The following ITGB4 variants were observed in gnomAD, a reference collection of about 807,000 sequenced individuals.
ITGB4 encodes the protein integrin subunit beta 4.
In ITGB4, 159 loss-of-function variants were observed where a neutral mutation model predicts 207.6. That is an observed-to-expected ratio of 0.77 (90% CI 0.67 to 0.87). ITGB4 has a LOEUF of 0.87. Among genes scored for constraint, ITGB4 ranks in the 40% least tolerant of loss-of-function variants. The pLI is 0.00. For missense variants in ITGB4, 2,278 were observed against 2,546.8 expected, an observed-to-expected ratio of 0.89 and a Z score of 2.27; for synonymous variants, 1,020 against 1,062.7, an observed-to-expected ratio of 0.96 and a Z score of 0.78.
At position 75,731,091 on chromosome 17, in the gene ITGB4, C is replaced by T; in HGVS notation, c.1092+127C>T. 1 of 1,420,794 alleles carries T rather than the reference C, an allele frequency of 7.0e-7. No individual in the cohort carries two copies. The highest frequency in any genetic ancestry group is 9.8e-7 in the Non-Finnish European group (1 of 1,020,112). The allele number at this position is 1,420,794 out of a possible 1,614,324, so 88.0% of individuals were successfully genotyped here. On this transcript the variant is annotated intron_variant, in intron 9 of 39. Coordinates refer to ENST00000200181, the MANE Select transcript of ITGB4 (RefSeq NM_000213.5). The surrounding 1 kb of genome is among the most constrained non-coding windows in gnomAD (Gnocchi z 6.8). ...CTGGGACAGACCAGTGAGGAAGGGT[C>T]TCTAGCTATCCCTGAGGCCCCGAGG...
chr17:75,730,475 G>T lies in ITGB4; in HGVS notation c.973G>T (p.Val325Phe). 2 of 1,613,968 alleles carry T rather than the reference G, an allele frequency of 1.2e-6. No homozygotes were observed. The highest frequency in any genetic ancestry group is 1.7e-6 in the Non-Finnish European group (2 of 1,180,034). The change falls in exon 8 of 40, where the codon GTC becomes TTC. Residue 325 changes from valine (V) to phenylalanine (F), a missense_variant. Coordinates refer to ENST00000200181, the MANE Select transcript of ITGB4 (RefSeq NM_000213.5). ...GCACAACATCATCCCCATCTTTGCT[G>T]TCACCAACTACTCCTATAGCTACTA... is the stretch of plus-strand genomic sequence containing the variant. ...AKHNIIPIFAVTNYSYSYYEK... is the reference protein window; with the variant it reads ...AKHNIIPIFAFTNYSYSYYEK...
chr17:75,727,064 C>T lies in ITGB4; in HGVS notation c.80-131C>T. 1.3e-6 allele frequency: 1 copy of T among 787,398 alleles called. No individual in the cohort carries two copies. The allele number at this position is 787,398 out of a possible 1,614,324, so 48.8% of individuals were successfully genotyped here. ...CTCCAGCCTGGGCAACAGAGCGAGA[C>T]TCTGTCTCAAAATAAATAAATAAAT... On this transcript the variant is annotated intron_variant, in intron 2 of 39. Transcript: ENST00000200181. This position sits in a 1 kb window ranked among gnomAD's most constrained non-coding sequence, Gnocchi z 6.0.
chr17:75,755,605 T>C, intron 34 of ITGB4, 96 bp from the exon 35 acceptor site: 2 of 1,513,626 alleles, frequency 1.3e-6, no homozygotes, highest in South Asian at 2.3e-5. Context: ...AGTGTAGACA[T>C]GCCAGCTGAG....
At position 75,739,625 on chromosome 17, in the gene ITGB4, C is replaced by T; in HGVS notation, c.2221-47C>T. 6.2e-7 allele frequency: 1 copy of T among 1,612,278 alleles called. No homozygotes were observed. The highest frequency in any genetic ancestry group is 2.2e-5 in the East Asian group (1 of 44,866). On this transcript the variant is annotated intron_variant, in intron 18 of 39. Coordinates refer to ENST00000200181, the MANE Select transcript of ITGB4 (RefSeq NM_000213.5). The surrounding 1 kb of genome is among the most constrained non-coding windows in gnomAD (Gnocchi z 5.4). ...GGGTGGCTGGAAGGGCTTACCTGGG[C>T]CAGGGCAGCTGTCTCAGGCCTCACC... is the stretch of plus-strand genomic sequence containing the variant.
intron 5 of ITGB4, 149 bp downstream of exon 5, chr17:75,728,004 G>A: frequency 1.3e-6 from 1 of 754,914 alleles, no homozygotes; most frequent in Non-Finnish European, 2.2e-6. Context: ...CATTCTCAAG[G>A]GAAGAATCTC....
At position 75,752,293 on chromosome 17, in the gene ITGB4, G is replaced by A. The variant is rs867306119; in HGVS notation, c.3913G>A (p.Gly1305Ser). ...CACGGTGAAGGCGCGCAACGGGGCC[G>A]GCTGGGGGCCTGAGCGGGAGGCCAT... is the stretch of plus-strand genomic sequence containing the variant. Reference protein sequence around the residue: ...RYTVKARNGAGWGPEREAIIN... With the variant: ...RYTVKARNGASWGPEREAIIN... The change falls in exon 31 of 40, where the codon GGC (glycine) becomes AGC (serine). Residue 1305 changes from glycine to serine, a missense_variant. Physicochemically the swap from Gly to Ser is moderately conservative, Grantham distance 56. Transcript: ENST00000200181. 6.2e-6 allele frequency: 10 copies of A among 1,613,294 alleles called. No individual in the cohort carries two copies. The highest frequency in any genetic ancestry group is 1.6e-4 in the Middle Eastern group (1 of 6,062).
chr17:75,742,945 C>T lies in ITGB4; in HGVS notation c.2962+184C>T, dbSNP rs1165859589. Reference sequence around the variant, plus strand: ...TTACGGAATGCGTGGCTGTTCACCTCGCCACAGTGCCTGCCTGGTGGTGAG... The same window carrying T: ...TTACGGAATGCGTGGCTGTTCACCTTGCCACAGTGCCTGCCTGGTGGTGAG... On this transcript the variant is annotated intron_variant, in intron 25 of 39. Coordinates refer to ENST00000200181, the MANE Select transcript of ITGB4 (RefSeq NM_000213.5). This position sits in a 1 kb window ranked among gnomAD's most constrained non-coding sequence, Gnocchi z 5.9. Among the ~76,000 whole-genome samples the T allele has an allele frequency of 2.0e-5, 3 of 152,166 alleles. No individual in the cohort carries two copies. Among genetic ancestry groups the T allele is most frequent in the Admixed American group, 6.5e-5 (1 of 15,288 alleles).
At chr17:75,755,503 G>T (rs2061476537) in intron 34 of ITGB4, among the ~76,000 whole-genome samples, 198 bp from the exon 35 acceptor site, 1 of 152,184 alleles carries the variant, frequency 6.6e-6, no homozygotes, top group Non-Finnish European at 1.5e-5. Flanking sequence ...TTTGGCACAA[G>T]CAGGGCCTGC....
rs144302042 is a variant in ITGB4, at chr17:75,736,142, C to T, written c.1749C>T (p.Ile583=). The T allele has an allele frequency of 6.8e-4, 1,101 of 1,613,960 alleles. 3 individuals are homozygous for T. The highest frequency in any genetic ancestry group is 8.9e-4 in the Non-Finnish European group (1,052 of 1,179,956). Residue 583 remains isoleucine (I), a synonymous_variant, in exon 14 of 40, where the codon ATC becomes ATT. Transcript: ENST00000200181. Reference sequence around the variant, plus strand: ...GTCCCCTCAGCAATGCCACCTGCATCGACAGCAATGGGGTAGGCCTGGGCA... The same window carrying T: ...GTCCCCTCAGCAATGCCACCTGCATTGACAGCAATGGGGTAGGCCTGGGCA... The part of the protein sequence containing the change: ...CDCPLSNATC[I]DSNGGICNGR...
In ITGB4 at chr17:75,730,779, A is replaced by G. The variant is rs921753737; in HGVS notation, c.1003-96A>G. 5 of 1,227,402 alleles carry G rather than the reference A, an allele frequency of 4.1e-6. 1 individual carries two copies. In the African/African-American group the frequency reaches 4.4e-5, roughly 11 times the overall value. 76.0% of individuals were successfully genotyped at this position (1,227,402 alleles called of 1,614,324 possible). A position where few individuals can be genotyped will look rare whatever the true frequency, so the allele number is the denominator to read the frequency against. The stretch of plus-strand genomic sequence containing the variant: ...GCTCTGCGACACCACAGTAGGTTCC[A>G]GGCCTCAGTTTCCCCATCCTCAAAG... On this transcript the variant is annotated intron_variant, in intron 8 of 39. Coordinates refer to ENST00000200181, the MANE Select transcript of ITGB4 (RefSeq NM_000213.5).
At position 75,727,693 on chromosome 17, in the gene ITGB4, C is replaced by T. The variant is rs755554730; in HGVS notation, c.307C>T (p.Pro103Ser). The T allele has an allele frequency of 8.1e-6, 13 of 1,611,996 alleles. No individual in the cohort carries two copies. Among genetic ancestry groups the T allele is most frequent in the Non-Finnish European group, 1.1e-5 (13 of 1,179,488 alleles). ...CACCCTGCGGCGCAGCCAGATGTCC[C>T]CCCAAGGCCTGCGGGTCCGTCTGCG... ...DTTLRRSQMSPQGLRVRLRPG... is the reference protein window; with the variant it reads ...DTTLRRSQMSSQGLRVRLRPG... The change falls in exon 5 of 40, where the codon CCC becomes TCC. Residue 103 changes from proline (P) to serine (S), a missense_variant. Coordinates refer to ENST00000200181, the MANE Select transcript of ITGB4 (RefSeq NM_000213.5). The surrounding 1 kb of genome is among the most constrained non-coding windows in gnomAD (Gnocchi z 6.0).
At chr17:75,733,117 G>A (rs547144988) in intron 12 of ITGB4, among the ~76,000 whole-genome samples, 3 of 149,440 alleles carry the variant, frequency 2.0e-5, no homozygotes, top group South Asian at 2.1e-4. Context: ...GGCCAGGCGC[G>A]GTGGCTTACG....
At position 75,757,185 on chromosome 17, in the gene ITGB4, A is replaced by T. The variant is rs142184100; in HGVS notation, c.5219-15A>T. On this transcript the variant is annotated splice_polypyrimidine_tract_variant and intron_variant, in intron 38 of 39. Transcript: ENST00000200181. ...TCTGGCACCACCCTCTGACTGGCCT[A>T]TCTGCCCACCCCAGGACCCTTCCCG... is the stretch of plus-strand genomic sequence containing the variant. The T allele has an allele frequency of 3.2e-3, 5,170 of 1,611,374 alleles. 9 individuals are homozygous for T. Among genetic ancestry groups the T allele is most frequent in the Non-Finnish European group, 4.1e-3 (4,842 of 1,179,584 alleles).
chr17:75,737,352 G>A lies in ITGB4; in HGVS notation c.2021G>A (p.Arg674Gln), dbSNP rs769814654. Residue 674 changes from arginine to glutamine, a missense_variant, in exon 17 of 40, where the codon CGG (arginine) becomes CAG (glutamine). Arg to Gln is a conservative substitution (Grantham distance 43). Coordinates refer to ENST00000200181, the MANE Select transcript of ITGB4 (RefSeq NM_000213.5). ...GAGGTGGTGGTGCGCTGCTCCTTCC[G>A]GGACGAGGATGACGACTGCACCTAC... ...AEEVVVRCSFRDEDDDCTYSY... is the reference protein window; with the variant it reads ...AEEVVVRCSFQDEDDDCTYSY... 144 of 1,591,318 alleles carry A rather than the reference G, an allele frequency of 9.0e-5. No individual in the cohort carries two copies. Among genetic ancestry groups the A allele is most frequent in the African/African-American group, 2.8e-4 (21 of 74,328 alleles).
rs1478734026 is a variant in ITGB4, at chr17:75,754,625, C to T, written c.4368C>T (p.Asn1456=). The part of the protein sequence containing the change: ...RMDFAFPGST[N]SLHRMTTTSA... ...ACTTTGCCTTCCCGGGCAGCACCAA[C>T]TCCCTGCACAGGATGACCACGACCA... is the stretch of plus-strand genomic sequence containing the variant. The change falls in exon 34 of 40, where the codon AAC becomes AAT. Residue 1456 remains asparagine, a synonymous_variant. Coordinates refer to ENST00000200181, the MANE Select transcript of ITGB4 (RefSeq NM_000213.5). 1.2e-6 allele frequency: 2 copies of T among 1,614,036 alleles called. No homozygotes were observed. Among genetic ancestry groups the T allele is most frequent in the Non-Finnish European group, 1.7e-6 (2 of 1,179,998 alleles).
Position 75,740,508 on chromosome 17 carries a change from C to G in ITGB4, c.2550+47C>G. 31 of 1,227,434 alleles carry G rather than the reference C, an allele frequency of 2.5e-5. No homozygotes were observed. Among genetic ancestry groups the G allele is most frequent in the Non-Finnish European group, 3.5e-5 (29 of 830,746 alleles). The allele number at this position is 1,227,434 out of a possible 1,614,324, so 76.0% of individuals were successfully genotyped here. On this transcript the variant is annotated intron_variant, in intron 21 of 39. Transcript: ENST00000200181. This position sits in a 1 kb window ranked among gnomAD's most constrained non-coding sequence, Gnocchi z 5.9. ...CTGGCCGGAGATGTGGGTATGAGGG[C>G]GGGTGAGGTGGGCAGGGCAGAGCGA...
At chr17:75,755,920 G>T (rs2061489026) in intron 35 of ITGB4, 70 bp downstream of exon 35, 2 of 1,544,518 alleles carry the variant, frequency 1.3e-6, no homozygotes, top group Admixed American at 1.9e-5. Flanking sequence ...GACACATAGG[G>T]TACCTCAGCT....
chr17:75,731,716 T>C lies in ITGB4; in HGVS notation c.1216-96T>C. 1 of 1,336,042 alleles carries C rather than the reference T, an allele frequency of 7.5e-7. No individual in the cohort carries two copies. The highest frequency in any genetic ancestry group is 1.0e-6 in the Non-Finnish European group (1 of 993,462). The allele number at this position is 1,336,042 out of a possible 1,614,324, so 82.8% of individuals were successfully genotyped here. A position where few individuals can be genotyped will look rare whatever the true frequency, so the allele number is the denominator to read the frequency against. On this transcript the variant is annotated intron_variant, in intron 10 of 39. Transcript: ENST00000200181. The surrounding 1 kb of genome is among the most constrained non-coding windows in gnomAD (Gnocchi z 6.8). ...GGAGCTCATTTCAGGGATCCAGACA[T>C]CTCCTAGGAACTTGGGGGCCGAGGG...
At chr17:75,743,974 C>CAGCCAGGGGCACGGCCA in intron 26 of ITGB4, 113 bp downstream of exon 26, 1 of 1,247,302 alleles carries the variant, frequency 8.0e-7, no homozygotes, top group Non-Finnish European at 1.1e-6. Flanking sequence ...GGATACTGGC[C>CAGCCAGGGGCACGGCCA]GTGCCCCTGG....
Sources: gnomAD v4.1 joint callset for allele counts (sites outside exome capture counted in the v4.1 genomes callset) on GRCh38, gnomAD v4.1.1 for gene constraint, Gnocchi (gnomAD v3.1) non-coding constraint, MANE v1.5 for transcripts, NCBI Gene and HGNC (gene_info 2026-07-23, HGNC 2026-07-21) for gene names.